The following FBXL7 variants were observed in gnomAD, a reference collection of about 807,000 sequenced individuals.
The protein encoded by FBXL7 is F-box/LRR-repeat protein 7.
Under a neutral mutation model 38.3 loss-of-function variants are expected in FBXL7, and 12 were observed. That is an observed-to-expected ratio of 0.31 (90% CI 0.20 to 0.51). FBXL7 has a LOEUF of 0.51. Ranked by LOEUF, FBXL7 falls within the 20% of genes least tolerant of loss-of-function variation. The pLI is 0.98. For synonymous variants in FBXL7, 297 were observed against 300.9 expected, an observed-to-expected ratio of 0.99 and a Z score of 0.13; for missense variants, 567 against 676.4, an observed-to-expected ratio of 0.84 and a Z score of 1.79.
At chr5:15,599,624 G>A (rs1326340753) in intron 1 of FBXL7, among the ~76,000 whole-genome samples, 3 of 152,102 alleles carry the variant, frequency 2.0e-5, no homozygotes, top group African/African-American at 7.2e-5. Context: ...ATCTCCTCCA[G>A]TTTTCCTTTC....
rs2126473335 is a variant in FBXL7, at chr5:15,936,170, G to A, written c.740-280G>A. Among the ~76,000 whole-genome samples the A allele has an allele frequency of 6.6e-6, 1 of 152,334 alleles. No homozygotes were observed. The highest frequency in any genetic ancestry group is 1.9e-4 in the East Asian group (1 of 5,172). On this transcript the variant is annotated intron_variant, in intron 3 of 3. Transcript: ENST00000504595. This position sits in a 1 kb window ranked among gnomAD's most constrained non-coding sequence, Gnocchi z 6.0. ...ACTCAGAAGGATTGATTTGCTAAAT[G>A]TCAGGCAAGTAGGGACAGATGACAG... is the stretch of plus-strand genomic sequence containing the variant.
At chr5:15,824,287 C>T (rs529113244) in intron 2 of FBXL7, among the ~76,000 whole-genome samples, 5 of 132,326 alleles carry the variant, frequency 3.8e-5, no homozygotes, top group African/African-American at 1.4e-4. Context: ...CAGAGCAAGA[C>T]TCCGTCTCAA....
intron 1 of FBXL7, among the ~76,000 whole-genome samples, chr5:15,603,359 C>T (rs1025597576): frequency 6.6e-6 from 1 of 152,162 alleles, no homozygotes; most frequent in Non-Finnish European, 1.5e-5. Flanking sequence ...AATTTACTTG[C>T]AATTTACTTA....
intron 2 of FBXL7, among the ~76,000 whole-genome samples, chr5:15,759,013 T>C (rs1486727670): frequency 1.3e-5 from 2 of 152,202 alleles, no homozygotes; most frequent in African/African-American, 4.8e-5. Context: ...TGCTAGCATA[T>C]GTATCTGCCA....
intron 1 of FBXL7, among the ~76,000 whole-genome samples, chr5:15,594,610 G>A (rs1242878930): frequency 7.9e-5 from 12 of 152,166 alleles, no homozygotes; most frequent in Admixed American, 5.2e-4. Flanking sequence ...GCTGCAGTAC[G>A]GCTTCAGAGA....
chr5:15,917,062 A>G (rs1313748578), intron 2 of FBXL7, among the ~76,000 whole-genome samples: 1 of 152,152 alleles, frequency 6.6e-6, no homozygotes, highest in Non-Finnish European at 1.5e-5. Context: ...TGGCTCATGG[A>G]GTTTCAGTGT....
chr5:15,846,047 A>G (rs994140640), intron 2 of FBXL7, among the ~76,000 whole-genome samples: 7 of 152,242 alleles, frequency 4.6e-5, no homozygotes, highest in African/African-American at 1.4e-4. Flanking sequence ...TTCTCCAAAT[A>G]TATCCACTAT....
At chr5:15,517,920 T>C (rs574764743) in intron 1 of FBXL7, among the ~76,000 whole-genome samples, 154 of 152,286 alleles carry the variant, frequency 1.0e-3, no homozygotes, top group South Asian at 5.2e-3. Context: ...CTTCTGCCCA[T>C]GGGTAGACTA....
chr5:15,861,287 A>G (rs572937459), intron 2 of FBXL7, among the ~76,000 whole-genome samples: 21 of 152,310 alleles, frequency 1.4e-4, no homozygotes, highest in South Asian at 4.1e-4. Flanking sequence ...TGACATTTAC[A>G]TTGTCCCTGT....
intron 2 of FBXL7, among the ~76,000 whole-genome samples, chr5:15,814,895 G>A (rs1039289600): frequency 5.3e-5 from 8 of 152,182 alleles, no homozygotes; most frequent in African/African-American, 1.7e-4. Flanking sequence ...GTGGCCTGGC[G>A]CTGTATGAAT....
In FBXL7 at chr5:15,904,480, T is replaced by C. The variant is rs144517769; in HGVS notation, c.128-23410T>C. On this transcript the variant is annotated intron_variant, in intron 2 of 3. Coordinates refer to ENST00000504595, the MANE Select transcript of FBXL7 (RefSeq NM_012304.5). Reference sequence around the variant, plus strand: ...ATAGATTATGGTTGGAATGGGTTGCTTCTAATTTTATTTTGGTCTTTACAC... The same window carrying C: ...ATAGATTATGGTTGGAATGGGTTGCCTCTAATTTTATTTTGGTCTTTACAC... 2.4e-3 allele frequency among the ~76,000 whole-genome samples: 358 copies of C among 152,328 alleles called. 2 individuals are homozygous for C. Among genetic ancestry groups the C allele is most frequent in the African/African-American group, 8.2e-3 (343 of 41,576 alleles).
chr5:15,914,806 G>A (rs1741539358), intron 2 of FBXL7, among the ~76,000 whole-genome samples: 1 of 152,156 alleles, frequency 6.6e-6, no homozygotes, highest in Admixed American at 6.5e-5. Context: ...CAGCTTCTGG[G>A]TGGCTGAATC....
intron 2 of FBXL7, among the ~76,000 whole-genome samples, chr5:15,904,954 T>G (rs1741320160): frequency 6.6e-6 from 1 of 152,144 alleles, no homozygotes; most frequent in Non-Finnish European, 1.5e-5. Flanking sequence ...TTCTTTTTAT[T>G]TTATGATTGA....
chr5:15,700,635 G>A (rs1743493529), intron 2 of FBXL7, among the ~76,000 whole-genome samples: 1 of 152,192 alleles, frequency 6.6e-6, no homozygotes, highest in Admixed American at 6.5e-5. Flanking sequence ...GTGTCTCACA[G>A]AAACACTGAG....
intron 2 of FBXL7, among the ~76,000 whole-genome samples, chr5:15,643,151 G>A (rs1057418485): frequency 6.6e-6 from 1 of 152,164 alleles, no homozygotes; most frequent in African/African-American, 2.4e-5. Context: ...AAATCTCAGT[G>A]AACTCTCTAG....
intron 2 of FBXL7, among the ~76,000 whole-genome samples, chr5:15,638,675 A>G (rs1006446956): frequency 6.6e-6 from 1 of 152,174 alleles, no homozygotes; most frequent in Non-Finnish European, 1.5e-5. Flanking sequence ...CCCCAGAGCA[A>G]TAATGACCTG....
At chr5:15,894,177 C>T (rs1741022636) in intron 2 of FBXL7, among the ~76,000 whole-genome samples, 1 of 152,244 alleles carries the variant, frequency 6.6e-6, no homozygotes, top group South Asian at 2.1e-4. Context: ...TTGCTCCTCG[C>T]TTGAACTCAG....
intron 2 of FBXL7, among the ~76,000 whole-genome samples, chr5:15,860,841 A>G (rs1160054369): frequency 6.6e-6 from 1 of 152,160 alleles, no homozygotes; most frequent in Non-Finnish European, 1.5e-5. Context: ...AATTGTCTAG[A>G]CCAGATGTCT....
At chr5:15,863,038 A>AC (rs1424876902) in intron 2 of FBXL7, among the ~76,000 whole-genome samples, 1 of 152,172 alleles carries the variant, frequency 6.6e-6, no homozygotes, top group East Asian at 1.9e-4. Flanking sequence ...TGTACACTGC[A>AC]CAGGGGTATC....
Sources: gnomAD v4.1 joint callset for allele counts (sites outside exome capture counted in the v4.1 genomes callset) on GRCh38, gnomAD v4.1.1 for gene constraint, Gnocchi (gnomAD v3.1) non-coding constraint, MANE v1.5 for transcripts, NCBI Gene and HGNC (gene_info 2026-07-23, HGNC 2026-07-21) for gene names.